FGL1: variants seen among roughly 807,000 people sequenced by gnomAD.
FGL1 encodes fibrinogen-like protein 1.
Under a neutral mutation model 43.7 loss-of-function variants are expected in FGL1, and 59 were observed. The observed-to-expected ratio is 1.35, with a 90% CI of 1.10 to 1.68. The LOEUF is 1.68. Among genes scored for constraint, FGL1 ranks in the 40% most tolerant of loss-of-function variants. FGL1 has a pLI of 0.00. For missense variants in FGL1, 596 were observed against 373.0 expected (o/e 1.60, Z -4.92); for synonymous variants, 192 against 126.5 (o/e 1.52, Z -3.48).
chr8:17,871,897 A>G (rs541065411), intron 5 of FGL1, among the ~76,000 whole-genome samples: 65 of 152,338 alleles, frequency 4.3e-4, no homozygotes, highest in Admixed American at 3.8e-3. Flanking sequence ...GTACATCATA[A>G]TAACTTAAAA....
chr8:17,883,073 AATATATAAT>A, intron 2 of FGL1, among the ~76,000 whole-genome samples: 1 of 79,860 alleles, frequency 1.3e-5, no homozygotes, highest in Admixed American at 2.0e-4. Flanking sequence ...TAATATATTA[AATATATAAT>A]ATATATCATA....
At chr8:17,885,041 A>C (rs1219930350) in intron 2 of FGL1, among the ~76,000 whole-genome samples, 2 of 150,234 alleles carry the variant, frequency 1.3e-5, no homozygotes, top group African/African-American at 5.0e-5. Context: ...AAAAATGTAA[A>C]GCACTTTTTT....
At chr8:17,866,463 T>C (rs1478446814) in intron 7 of FGL1, among the ~76,000 whole-genome samples, 1 of 152,182 alleles carries the variant, frequency 6.6e-6, no homozygotes, top group African/African-American at 2.4e-5. Flanking sequence ...AAGATGATAG[T>C]CGAACTCACT....
chr8:17,893,849 C>A (rs1399455160), intron 1 of FGL1, among the ~76,000 whole-genome samples: 4 of 147,194 alleles, frequency 2.7e-5, no homozygotes, highest in Non-Finnish European at 5.9e-5. Context: ...GCACATCTGG[C>A]TTACAGTAAA....
intron 2 of FGL1, among the ~76,000 whole-genome samples, chr8:17,884,849 G>T (rs1404242639): frequency 1.3e-5 from 2 of 151,958 alleles, no homozygotes; most frequent in Non-Finnish European, 2.9e-5. Context: ...CACAAATGAA[G>T]GACAACACAA....
rs764614197 is a variant in FGL1, at chr8:17,874,524, G to A, written c.245-3C>T. The stretch of plus-strand genomic sequence containing the variant: ...ATCATTGAAAATCTCTGAACAATCT[G>A]TTTTTAAAACAAGGTAATGTAACAT... On this transcript the variant is annotated splice_region_variant and splice_polypyrimidine_tract_variant and intron_variant, in intron 3 of 7. Transcript: ENST00000427924. 4 of 1,600,292 alleles carry A rather than the reference G, an allele frequency of 2.5e-6. No homozygotes were observed. Among genetic ancestry groups the A allele is most frequent in the Non-Finnish European group, 3.4e-6 (4 of 1,172,514 alleles).
intron 5 of FGL1, among the ~76,000 whole-genome samples, chr8:17,873,083 A>T (rs1490617965): frequency 3.3e-5 from 5 of 152,170 alleles, no homozygotes; most frequent in African/African-American, 1.2e-4. Flanking sequence ...TTCATATATT[A>T]TAGTGTTTTA....
chr8:17,885,762 T>C, intron 1 of FGL1, 191 bp from the exon 2 acceptor site: 1 of 524,288 alleles, frequency 1.9e-6, no homozygotes, highest in Non-Finnish European at 3.4e-6. Context: ...TTAACTAGAA[T>C]TGAATCTGTT....
chr8:17,879,434 T>G (rs562431319), intron 3 of FGL1, among the ~76,000 whole-genome samples: 1 of 152,254 alleles, frequency 6.6e-6, no homozygotes, highest in Admixed American at 6.5e-5. Context: ...GAGTTGTAGT[T>G]CCCAGTGTGG....
intron 5 of FGL1, among the ~76,000 whole-genome samples, chr8:17,873,482 C>G (rs1465522745): frequency 3.3e-5 from 5 of 152,054 alleles, no homozygotes; most frequent in African/African-American, 4.8e-5. Context: ...CCCAGCCAAC[C>G]TGCAGATTTG....
intron 3 of FGL1, among the ~76,000 whole-genome samples, chr8:17,880,540 T>G (rs34842891): frequency 0.018 from 2,708 of 152,302 alleles, 80 homozygotes; most frequent in African/African-American, 0.062. Flanking sequence ...CCCTATGAAC[T>G]ACCTTCCTTT....
At chr8:17,866,454 A>G (rs770995428) in intron 7 of FGL1, among the ~76,000 whole-genome samples, 3 of 152,232 alleles carry the variant, frequency 2.0e-5, no homozygotes, top group Non-Finnish European at 4.4e-5. Flanking sequence ...AAGGAAGAAA[A>G]GATGATAGTC....
At chr8:17,876,698 C>T (rs181215182) in intron 3 of FGL1, among the ~76,000 whole-genome samples, 11 of 152,174 alleles carry the variant, frequency 7.2e-5, no homozygotes, top group African/African-American at 1.9e-4. Context: ...TTTTTGCTTA[C>T]ATTAAATTTC....
chr8:17,888,539 C>A (rs953374598), intron 1 of FGL1, among the ~76,000 whole-genome samples: 1 of 151,982 alleles, frequency 6.6e-6, no homozygotes, highest in African/African-American at 2.4e-5. Context: ...TATTCTAAAC[C>A]GAAGACATCT....
chr8:17,871,700 T>A (rs533971530), intron 5 of FGL1, among the ~76,000 whole-genome samples: 15 of 152,240 alleles, frequency 9.9e-5, no homozygotes, highest in African/African-American at 3.6e-4. Flanking sequence ...TCATTAGCCG[T>A]AATGCTCTCA....
At position 17,864,431 on chromosome 8, in the gene FGL1, G is replaced by T. The variant is rs550932397; in HGVS notation, c.*161C>A. On this transcript the variant is annotated 3_prime_UTR_variant, in exon 8 of 8. Coordinates refer to ENST00000427924, the MANE Select transcript of FGL1 (RefSeq NM_004467.4). ...TTTATTTGGTGAATATTGCATATCT[G>T]CTGTACTGAAAGCACATTAAGTAAC... 4.5e-6 allele frequency: 3 copies of T among 661,178 alleles called. No individual in the cohort carries two copies. The highest frequency in any genetic ancestry group is 1.8e-5 in the African/African-American group (1 of 54,544). The allele number at this position is 661,178 out of a possible 1,614,324, so 41.0% of individuals were successfully genotyped here.
chr8:17,871,749 C>T (rs1029263209), intron 5 of FGL1, among the ~76,000 whole-genome samples: 1 of 152,066 alleles, frequency 6.6e-6, no homozygotes, highest in Non-Finnish European at 1.5e-5. Flanking sequence ...TGGCTATTGT[C>T]TGGATTGATG....
At chr8:17,894,791 T>A (rs2053751911) in intron 1 of FGL1, among the ~76,000 whole-genome samples, 1 of 146,634 alleles carries the variant, frequency 6.8e-6, no homozygotes. Flanking sequence ...GGAAGTATGT[T>A]TTGAAAATGC....
intron 3 of FGL1, among the ~76,000 whole-genome samples, chr8:17,880,595 G>C (rs1263289322): frequency 6.6e-6 from 1 of 152,084 alleles, no homozygotes; most frequent in Admixed American, 6.5e-5. Flanking sequence ...CACTCTAATA[G>C]CCAACAGGGA....
Sources: gnomAD v4.1 joint callset for allele counts (sites outside exome capture counted in the v4.1 genomes callset) on GRCh38, gnomAD v4.1.1 for gene constraint, MANE v1.5 for transcripts, NCBI Gene and HGNC (gene_info 2026-07-23, HGNC 2026-07-21) for gene names.